CAGE1: variants seen among roughly 807,000 people sequenced by gnomAD.
CAGE1 encodes the protein cancer antigen 1, also known as cancer-associated gene 1 protein.
In CAGE1, 66 loss-of-function variants were observed where a neutral mutation model predicts 94.9. The ratio of observed to expected loss-of-function variants is 0.70; its 90% CI spans 0.57 to 0.85. CAGE1 has a LOEUF of 0.85. Ranked by LOEUF, CAGE1 falls within the 40% of genes least tolerant of loss-of-function variation. The pLI, the probability that CAGE1 is intolerant of heterozygous loss-of-function variation, is 0.00. For missense variants in CAGE1, 865 were observed against 950.4 expected, an observed-to-expected ratio of 0.91 and a Z score of 1.18; for synonymous variants, 319 against 321.0, an observed-to-expected ratio of 0.99 and a Z score of 0.07.
At chr6:7,383,709 G>A (rs1295268170) in intron 3 of CAGE1, among the ~76,000 whole-genome samples, 1 of 151,982 alleles carries the variant, frequency 6.6e-6, no homozygotes, top group Non-Finnish European at 1.5e-5. Flanking sequence ...TTAGGATTAA[G>A]GTAGGATACA....
intron 9 of CAGE1, among the ~76,000 whole-genome samples, chr6:7,365,233 AG>A (rs1760285930): frequency 6.6e-6 from 1 of 152,242 alleles, no homozygotes; most frequent in South Asian, 2.1e-4. Flanking sequence ...TGCATTTGGA[AG>A]GAAACAAATC....
intron 4 of CAGE1, among the ~76,000 whole-genome samples, chr6:7,377,807 C>T (rs914871895): frequency 6.6e-6 from 1 of 152,138 alleles, no homozygotes; most frequent in Non-Finnish European, 1.5e-5. Flanking sequence ...TATCTATTTT[C>T]CCATACCAAT....
chr6:7,377,459 T>C (rs910953897), intron 4 of CAGE1, among the ~76,000 whole-genome samples: 5 of 152,150 alleles, frequency 3.3e-5, no homozygotes, highest in African/African-American at 1.2e-4. Flanking sequence ...AAAGGTATTA[T>C]TGGCCAGGTG....
chr6:7,344,467 G>C (rs574892573), intron 11 of CAGE1, among the ~76,000 whole-genome samples: 2 of 152,234 alleles, frequency 1.3e-5, no homozygotes, highest in Non-Finnish European at 2.9e-5. Flanking sequence ...GGCAGGATTC[G>C]GGACCTACAG....
chr6:7,372,445 T>C (rs886477704), intron 5 of CAGE1, among the ~76,000 whole-genome samples: 1 of 135,906 alleles, frequency 7.4e-6, no homozygotes, highest in Non-Finnish European at 1.5e-5. Flanking sequence ...CACTCCAGCC[T>C]GGGCGACAGA....
intron 9 of CAGE1, among the ~76,000 whole-genome samples, 181 bp from the exon 10 acceptor site, chr6:7,356,310 C>T (rs1759951123): frequency 6.6e-6 from 1 of 152,190 alleles, no homozygotes; most frequent in African/African-American, 2.4e-5. Context: ...GCACTTAGAA[C>T]AGATAAACAA....
chr6:7,357,047 G>T (rs186461643), intron 9 of CAGE1, among the ~76,000 whole-genome samples: 1 of 151,802 alleles, frequency 6.6e-6, no homozygotes, highest in African/African-American at 2.4e-5. Flanking sequence ...TCCGCCCCCC[G>T]TCGGCCTCCC....
At position 7,378,669 on chromosome 6, in the gene CAGE1, A is replaced by G. The variant is rs1760833698; in HGVS notation, c.635T>C (p.Ile212Thr). ...KFTEKSLAKSIAKESALNPSQ... is the reference protein window; with the variant it reads ...KFTEKSLAKSTAKESALNPSQ... ...AGGGTTGAGGGCAGATTCCTTGGCA[A>G]TACTTTTAGCCAGTGACTTTTCTGT... The change falls in exon 4 of 14, where the codon ATT (isoleucine) becomes ACT (threonine). Residue 212 changes from isoleucine (I) to threonine (T), a missense_variant. Coordinates refer to ENST00000502583, the MANE Select transcript of CAGE1 (RefSeq NM_001170692.2). The G allele has an allele frequency of 6.2e-7, 1 of 1,611,006 alleles. No homozygotes were observed. The highest frequency in any genetic ancestry group is 8.5e-7 in the Non-Finnish European group (1 of 1,179,108).
At chr6:7,356,749 C>T (rs1187924782) in intron 9 of CAGE1, among the ~76,000 whole-genome samples, 1 of 152,144 alleles carries the variant, frequency 6.6e-6, no homozygotes, top group Non-Finnish European at 1.5e-5. Context: ...AGAAGAAAAA[C>T]TATAAACATG....
At chr6:7,385,685 G>A (rs578246739) in intron 3 of CAGE1, 100 bp downstream of exon 3, 2 of 564,388 alleles carry the variant, frequency 3.5e-6, no homozygotes, top group Non-Finnish European at 6.0e-6. Context: ...GTGTGATGAT[G>A]TATATAAAGT....
At chr6:7,366,469 C>G (rs1265181312) in intron 7 of CAGE1, among the ~76,000 whole-genome samples, 1 of 152,150 alleles carries the variant, frequency 6.6e-6, no homozygotes, top group Non-Finnish European at 1.5e-5. Flanking sequence ...TTATGGTGCT[C>G]AACCTACTTG....
intron 11 of CAGE1, among the ~76,000 whole-genome samples, chr6:7,352,298 A>G (rs1427753357): frequency 1.7e-5 from 2 of 119,364 alleles, no homozygotes; most frequent in Admixed American, 1.8e-4. Flanking sequence ...TGCAAAAAAA[A>G]AAAAAAACAA....
intron 4 of CAGE1, among the ~76,000 whole-genome samples, chr6:7,378,054 TG>T (rs1349055404): frequency 6.6e-6 from 1 of 152,238 alleles, no homozygotes; most frequent in Non-Finnish European, 1.5e-5. Context: ...TTCCTCTTCT[TG>T]ACCTTTCCAT....
Position 7,326,768 on chromosome 6 carries a change from T to A in CAGE1, c.*90A>T. Reference sequence around the variant, plus strand: ...CCTTTATACAGATTTTAATATATCATCTGCATGGATTGATTTGGCTAGCAT... The same window carrying A: ...CCTTTATACAGATTTTAATATATCAACTGCATGGATTGATTTGGCTAGCAT... On this transcript the variant is annotated 3_prime_UTR_variant, in exon 14 of 14. Transcript: ENST00000502583. The A allele has an allele frequency of 2.2e-6, 2 of 890,322 alleles. No individual in the cohort carries two copies. The highest frequency in any genetic ancestry group is 3.8e-6 in the Non-Finnish European group (2 of 531,446). The allele number at this position is 890,322 out of a possible 1,614,324, so 55.2% of individuals were successfully genotyped here.
At chr6:7,374,960 G>A (rs1456778501) in intron 4 of CAGE1, among the ~76,000 whole-genome samples, 1 of 152,176 alleles carries the variant, frequency 6.6e-6, no homozygotes, top group Non-Finnish European at 1.5e-5. Context: ...CTTGAACGCA[G>A]GAGGTGGAAG....
chr6:7,373,844 T>A lies in CAGE1; in HGVS notation c.975A>T (p.Glu325Asp). 1 of 1,613,934 alleles carries A rather than the reference T, an allele frequency of 6.2e-7. No homozygotes were observed. The highest frequency in any genetic ancestry group is 1.1e-5 in the South Asian group (1 of 91,076). The change falls in exon 5 of 14, where the codon GAA (glutamate) becomes GAT (aspartate). Residue 325 changes from glutamate (E) to aspartate (D), a missense_variant. Physicochemically the swap from Glu to Asp is conservative, Grantham distance 45. Transcript: ENST00000502583. ...TNRKQEVRIQ[E>D]LQCSNLYLEK... ...CTAAATACAGGTTACTACACTGGAG[T>A]TCTTGGATTCGCACTTCCTGCTTTC...
intron 11 of CAGE1, among the ~76,000 whole-genome samples, chr6:7,354,766 T>A (rs1043834175): frequency 3.3e-5 from 5 of 152,208 alleles, no homozygotes; most frequent in African/African-American, 7.2e-5. Flanking sequence ...ACTACGATAA[T>A]GTCCTCTAAA....
intron 3 of CAGE1, among the ~76,000 whole-genome samples, chr6:7,383,037 A>G (rs1297711842): frequency 6.6e-6 from 1 of 152,146 alleles, no homozygotes; most frequent in Non-Finnish European, 1.5e-5. Flanking sequence ...ACCTGGTGGG[A>G]GGCAATTAAA....
At chr6:7,359,722 C>T (rs2113420570) in intron 9 of CAGE1, among the ~76,000 whole-genome samples, 1 of 152,298 alleles carries the variant, frequency 6.6e-6, no homozygotes, top group African/African-American at 2.4e-5. Context: ...GTTTGGTCCT[C>T]TCTGTATCCC....
Sources: gnomAD v4.1 joint callset for allele counts (sites outside exome capture counted in the v4.1 genomes callset) on GRCh38, gnomAD v4.1.1 for gene constraint, MANE v1.5 for transcripts, NCBI Gene and HGNC (gene_info 2026-07-23, HGNC 2026-07-21) for gene names.